RBM47: variants seen among roughly 807,000 people sequenced by gnomAD.
RBM47 encodes the protein RNA binding motif protein 47, also known as RNA-binding protein 47.
A neutral mutation model predicts 47.1 loss-of-function variants in RBM47; 21 were observed. The observed-to-expected ratio is 0.45, with a 90% CI of 0.32 to 0.64. The LOEUF (loss-of-function observed/expected upper bound fraction) is 0.64, where lower values mean the gene tolerates loss of function less well. RBM47 is among the 30% of genes least tolerant of loss of function. The pLI is 0.05. For synonymous variants in RBM47, 375 were observed against 361.7 expected (o/e 1.04, Z -0.42); for missense variants, 708 against 870.9 (o/e 0.81, Z 2.35).
At chr4:40,535,662 C>T (rs555147931) in intron 2 of RBM47, among the ~76,000 whole-genome samples, 8 of 152,116 alleles carry the variant, frequency 5.3e-5, no homozygotes, top group South Asian at 2.1e-4. Context: ...CCGGGGCAAG[C>T]GATTCTCCTG....
intron 5 of RBM47, among the ~76,000 whole-genome samples, chr4:40,433,110 G>T (rs1711605487): frequency 6.6e-6 from 1 of 151,992 alleles, no homozygotes; most frequent in South Asian, 2.1e-4. Context: ...ACAGGTACAG[G>T]CCACCTTGCC....
At chr4:40,556,781 T>C (rs1247288569) in intron 1 of RBM47, among the ~76,000 whole-genome samples, 2 of 152,012 alleles carry the variant, frequency 1.3e-5, no homozygotes, top group African/African-American at 2.4e-5. Flanking sequence ...TCCCAGCTAC[T>C]TGGGAGACTG....
At chr4:40,588,457 G>A (rs948759019) in intron 1 of RBM47, among the ~76,000 whole-genome samples, 2 of 152,158 alleles carry the variant, frequency 1.3e-5, no homozygotes, top group Admixed American at 6.5e-5. Context: ...GACCATCATA[G>A]GAAGAAGTGT....
chr4:40,585,199 A>G (rs1733433528), intron 1 of RBM47, among the ~76,000 whole-genome samples: 1 of 152,206 alleles, frequency 6.6e-6, no homozygotes, highest in Admixed American at 6.5e-5. Flanking sequence ...AAGTGTTTCC[A>G]TGTTAGTTAA....
chr4:40,558,192 T>C (rs911855032), intron 1 of RBM47, among the ~76,000 whole-genome samples: 6 of 152,206 alleles, frequency 3.9e-5, no homozygotes, highest in Non-Finnish European at 7.3e-5. Flanking sequence ...TTTGTATAAG[T>C]TGATATTTGA....
intron 3 of RBM47, among the ~76,000 whole-genome samples, chr4:40,439,270 A>G (rs1713259348): frequency 6.6e-6 from 1 of 152,040 alleles, no homozygotes; most frequent in Non-Finnish European, 1.5e-5. Context: ...TGCACCGTTA[A>G]CTCCACCTGA....
chr4:40,427,281 CG>C (rs1382889783), intron 6 of RBM47: 1 of 152,102 alleles, frequency 6.6e-6, no homozygotes, highest in Non-Finnish European at 1.5e-5. Context: ...GTCTCAGCAG[CG>C]GGGATATTCG....
At chr4:40,449,320 A>G (rs536876679) in intron 3 of RBM47, among the ~76,000 whole-genome samples, 1 of 152,340 alleles carries the variant, frequency 6.6e-6, no homozygotes, top group Admixed American at 6.5e-5. Flanking sequence ...GGGAGGTTGA[A>G]GATACAAGGG....
At chr4:40,619,770 T>TGTAG (rs1737083255) in intron 1 of RBM47, among the ~76,000 whole-genome samples, 1 of 152,130 alleles carries the variant, frequency 6.6e-6, no homozygotes, top group Non-Finnish European at 1.5e-5. Context: ...TACCTGTGGG[T>TGTAG]TCCTGGTTCC....
intron 3 of RBM47, among the ~76,000 whole-genome samples, chr4:40,447,456 G>T (rs115980268): frequency 0.026 from 3,944 of 152,236 alleles, 168 homozygotes; most frequent in African/African-American, 0.09. Context: ...GCTTTCATTA[G>T]GATTTTAACT....
chr4:40,500,165 T>G (rs551028077), intron 2 of RBM47, among the ~76,000 whole-genome samples: 1 of 151,914 alleles, frequency 6.6e-6, no homozygotes, highest in Non-Finnish European at 1.5e-5. Context: ...AATACAAAAT[T>G]AGCCGGGTGT....
chr4:40,517,129 C>A (rs1045253798), intron 2 of RBM47, among the ~76,000 whole-genome samples: 2 of 149,240 alleles, frequency 1.3e-5, no homozygotes, highest in African/African-American at 4.9e-5. Flanking sequence ...TCCTTCCCTC[C>A]TTCCTTCCTT....
rs1715021013 is a variant in RBM47 at position 40,426,223 on chromosome 4, G to A, written c.1543-80C>T. ...CCATTCATTCAACAAGCCTCTCCCA[G>A]AAGACGGGAATACAAAGACACAAAA... is the stretch of plus-strand genomic sequence containing the variant. On this transcript the variant is annotated intron_variant, in intron 6 of 6. Coordinates refer to ENST00000295971, the MANE Select transcript of RBM47 (RefSeq NM_001098634.2). The A allele has an allele frequency of 1.3e-5, 19 of 1,519,748 alleles. No homozygotes were observed. In the South Asian group the frequency reaches 1.7e-4, roughly 13 times the overall value. 94.1% of individuals were successfully genotyped at this position (1,519,748 alleles called of 1,614,324 possible).
At chr4:40,623,178 T>G (rs950419155) in intron 1 of RBM47, among the ~76,000 whole-genome samples, 3 of 152,160 alleles carry the variant, frequency 2.0e-5, no homozygotes, top group Non-Finnish European at 4.4e-5. Context: ...GCTGGCAGTT[T>G]CTGTTTACTC....
chr4:40,625,348 C>T lies in RBM47; in HGVS notation c.-240+4048G>A, dbSNP rs78016072. ...TGTACTTTTTGTTTTTCTTGGGGCA[C>T]GTGAAATGCTTTACAAACATGATTG... On this transcript the variant is annotated intron_variant, in intron 1 of 6. Transcript: ENST00000295971. Among the ~76,000 whole-genome samples the T allele has an allele frequency of 0.013, 1,913 of 152,220 alleles. 87 individuals carry two copies. In the East Asian group the frequency reaches 0.15, roughly 12 times the overall value.
intron 1 of RBM47, among the ~76,000 whole-genome samples, chr4:40,562,494 A>T (rs1197949164): frequency 5.8e-5 from 7 of 121,306 alleles, no homozygotes; most frequent in Non-Finnish European, 8.2e-5. Flanking sequence ...AGACAGTCTC[A>T]CTCTTGTGTC....
intron 1 of RBM47, among the ~76,000 whole-genome samples, chr4:40,610,282 T>A (rs1376098510): frequency 6.6e-6 from 1 of 152,040 alleles, no homozygotes; most frequent in East Asian, 1.9e-4. Flanking sequence ...ACTTCATAGT[T>A]TTCTTATGCA....
intron 1 of RBM47, among the ~76,000 whole-genome samples, chr4:40,592,624 A>G (rs1424612537): frequency 3.3e-5 from 5 of 150,814 alleles, no homozygotes; most frequent in Non-Finnish European, 7.4e-5. Context: ...GGGTTTCTCT[A>G]TGTTGGCCAG....
chr4:40,476,597 T>C (rs1184501140), intron 2 of RBM47, among the ~76,000 whole-genome samples: 1 of 152,062 alleles, frequency 6.6e-6, no homozygotes, highest in Non-Finnish European at 1.5e-5. Context: ...CTGAGGCACT[T>C]AAGCTGAGTA....
Sources: allele counts gnomAD v4.1 joint callset (sites outside exome capture counted in the v4.1 genomes callset), GRCh38; gene constraint gnomAD v4.1.1; transcripts MANE v1.5; gene names NCBI Gene and HGNC (gene_info 2026-07-23, HGNC 2026-07-21).